CEP70: variants seen among roughly 807,000 people sequenced by gnomAD.
CEP70 encodes the protein centrosomal protein of 70 kDa.
Under a neutral mutation model 90.9 loss-of-function variants are expected in CEP70, and 70 were observed. That is an observed-to-expected ratio of 0.77 (90% CI 0.64 to 0.94). The LOEUF (loss-of-function observed/expected upper bound fraction) is 0.94. Among genes scored for constraint, CEP70 ranks in the 40% least tolerant of loss-of-function variants. The probability of loss-of-function intolerance (pLI) is 0.00; values close to 1 mark genes in which losing one functional copy is unlikely to be tolerated. For missense variants in CEP70, 648 were observed against 669.0 expected, an observed-to-expected ratio of 0.97 and a Z score of 0.35; for synonymous variants, 220 against 228.3, an observed-to-expected ratio of 0.96 and a Z score of 0.33.
At chr3:138,522,787 C>T (rs1374058648) in intron 11 of CEP70, among the ~76,000 whole-genome samples, 7 of 152,254 alleles carry the variant, frequency 4.6e-5, no homozygotes, top group Non-Finnish European at 1.0e-4. Flanking sequence ...CCAAATTCTA[C>T]CAGAGGTACA....
At chr3:138,561,961 T>C (rs368810498) in intron 6 of CEP70, among the ~76,000 whole-genome samples, 1 of 150,136 alleles carries the variant, frequency 6.7e-6, no homozygotes, top group South Asian at 2.1e-4. Flanking sequence ...AGATGGAGCT[T>C]GCAGTGAGCC....
intron 12 of CEP70, among the ~76,000 whole-genome samples, chr3:138,506,291 G>T (rs1418265509): frequency 2.2e-4 from 33 of 152,234 alleles, no homozygotes; most frequent in African/African-American, 4.3e-4. Context: ...CAAGGCTGCA[G>T]TGAGCTATGA....
At chr3:138,518,241 A>G (rs947221911) in intron 11 of CEP70, among the ~76,000 whole-genome samples, 6 of 152,064 alleles carry the variant, frequency 3.9e-5, no homozygotes, top group African/African-American at 1.4e-4. Context: ...GTCTCTGTAG[A>G]CTCTAGCTCT....
At chr3:138,508,292 T>C in intron 12 of CEP70, 147 bp downstream of exon 12, 1 of 617,130 alleles carries the variant, frequency 1.6e-6, no homozygotes, top group South Asian at 1.9e-5. Flanking sequence ...GTCAAATAGT[T>C]ATGTCACGGA....
intron 6 of CEP70, among the ~76,000 whole-genome samples, chr3:138,556,810 TAATAGAATATCACAAGGC>T (rs2040044713): frequency 1.3e-5 from 2 of 151,932 alleles, no homozygotes; most frequent in African/African-American, 2.4e-5. Context: ...CTTCACAAGG[TAATAGAATATCACAAGGC>T]AAATGGAGGC....
Position 138,537,159 on chromosome 3 carries a change from A to G in CEP70, c.635+19T>C. ...CAACAATGAATCTAGCTACATATCA[A>G]TTTATGTAGCAAAATTACTGTCTAT... On this transcript the variant is annotated intron_variant, in intron 7 of 17. Transcript: ENST00000264982. The G allele has an allele frequency of 6.8e-7, 1 of 1,477,888 alleles. No homozygotes were observed. Among genetic ancestry groups the G allele is most frequent in the Non-Finnish European group, 9.0e-7 (1 of 1,110,964 alleles). The allele number at this position is 1,477,888 out of a possible 1,614,324, so 91.5% of individuals were successfully genotyped here.
intron 7 of CEP70, among the ~76,000 whole-genome samples, chr3:138,536,667 G>T (rs1365727768): frequency 6.6e-6 from 1 of 151,262 alleles, no homozygotes; most frequent in Non-Finnish European, 1.5e-5. Flanking sequence ...TCTTAAGAAT[G>T]ATTTTCAGTA....
chr3:138,537,001 C>CA (rs57447148), intron 7 of CEP70, 177 bp downstream of exon 7: 21,261 of 249,652 alleles, frequency 0.085, 129 homozygotes, highest in Middle Eastern at 0.13. Flanking sequence ...ACCTCTAGAA[C>CA]AAAAAAAAAA....
intron 10 of CEP70, 91 bp from the exon 11 acceptor site, chr3:138,525,655 C>T: frequency 1.9e-6 from 1 of 519,756 alleles, no homozygotes; most frequent in Non-Finnish European, 3.2e-6. Context: ...AACTTTGTTA[C>T]TTGTCACAAA....
At chr3:138,549,211 G>A (rs909922470) in intron 6 of CEP70, among the ~76,000 whole-genome samples, 1 of 151,130 alleles carries the variant, frequency 6.6e-6, no homozygotes, top group African/African-American at 2.4e-5. Flanking sequence ...GGCCGAACTC[G>A]GGGAAGGGCA....
chr3:138,505,395 C>A lies in CEP70; in HGVS notation c.1121G>T (p.Gly374Val), dbSNP rs141143307. ...ATCTTTATTAAAATTTTGGACTCCC[C>A]CTTTGGTCTGTTTATAAATTATTAC... Reference protein sequence around the residue: ...APVIIYKQTKGGVQNFNKDLV... With the variant: ...APVIIYKQTKVGVQNFNKDLV... The change falls in exon 13 of 18, where the codon GGG becomes GTG. Residue 374 changes from glycine to valine, a missense_variant. Physicochemically the swap from Gly to Val is moderately radical, Grantham distance 109. Transcript: ENST00000264982. 6.2e-7 allele frequency: 1 copy of A among 1,611,722 alleles called. No individual in the cohort carries two copies. Among genetic ancestry groups the A allele is most frequent in the Non-Finnish European group, 8.5e-7 (1 of 1,179,104 alleles).
At chr3:138,562,866 A>C (rs932568872) in intron 6 of CEP70, among the ~76,000 whole-genome samples, 3 of 152,204 alleles carry the variant, frequency 2.0e-5, no homozygotes, top group Admixed American at 2.0e-4. Flanking sequence ...TATTAACCTT[A>C]AATGTAAACG....
intron 6 of CEP70, 46 bp downstream of exon 6, chr3:138,570,272 G>C (rs769071493): frequency 2.3e-6 from 3 of 1,325,368 alleles, no homozygotes; most frequent in Non-Finnish European, 3.1e-6. Flanking sequence ...ATAATGAGCT[G>C]TTTTAGTACT....
chr3:138,568,959 G>C (rs1209571320), intron 6 of CEP70, among the ~76,000 whole-genome samples: 1 of 151,620 alleles, frequency 6.6e-6, no homozygotes, highest in Non-Finnish European at 1.5e-5. Flanking sequence ...ACATCAGCCT[G>C]GGAAACAGAG....
chr3:138,577,711 A>G (rs2041627997), intron 2 of CEP70, among the ~76,000 whole-genome samples: 1 of 152,124 alleles, frequency 6.6e-6, no homozygotes, highest in Non-Finnish European at 1.5e-5. Context: ...AAGAGGTAAA[A>G]CAAAGAGAAA....
chr3:138,571,368 GA>G lies in CEP70; in HGVS notation c.70-13del. 1 of 1,518,762 alleles carries G rather than the reference GA, an allele frequency of 6.6e-7. No individual in the cohort carries two copies. The highest frequency in any genetic ancestry group is 9.1e-7 in the Non-Finnish European group (1 of 1,098,922). 94.1% of individuals were successfully genotyped at this position (1,518,762 alleles called of 1,614,324 possible). A position where few individuals can be genotyped will look rare whatever the true frequency, so the allele number is the denominator to read the frequency against. ...TCTGCTTCTTCCTGCTACAATTACAGAAAGAGAAGAAAGGGTTAACTTTAGA... is the reference window on the plus strand; with the variant it reads ...TCTGCTTCTTCCTGCTACAATTACAGAAGAGAAGAAAGGGTTAACTTTAGA... On this transcript the variant is annotated splice_polypyrimidine_tract_variant and intron_variant, in intron 3 of 17. Transcript: ENST00000264982.
chr3:138,513,971 A>C (rs535901307), intron 11 of CEP70, among the ~76,000 whole-genome samples: 6 of 152,022 alleles, frequency 3.9e-5, no homozygotes, highest in Non-Finnish European at 8.8e-5. Context: ...AAAACAAACA[A>C]ACTCAATTTT....
At chr3:138,587,641 A>T (rs970121593) in intron 2 of CEP70, among the ~76,000 whole-genome samples, 2 of 122,662 alleles carry the variant, frequency 1.6e-5, no homozygotes, top group Admixed American at 1.9e-4. Flanking sequence ...TTAGCCAGGC[A>T]TTGTGGCATG....
chr3:138,538,797 T>A (rs760435022), intron 6 of CEP70, among the ~76,000 whole-genome samples: 17 of 152,168 alleles, frequency 1.1e-4, no homozygotes, highest in Non-Finnish European at 2.4e-4. Context: ...ATTGACATAA[T>A]CCATTGTTAC....
Sources: gnomAD v4.1 joint callset for allele counts (sites outside exome capture counted in the v4.1 genomes callset) on GRCh38, gnomAD v4.1.1 for gene constraint, MANE v1.5 for transcripts, NCBI Gene and HGNC (gene_info 2026-07-23, HGNC 2026-07-21) for gene names.